The following TEAD1 variants were observed in gnomAD, a reference collection of about 807,000 sequenced individuals.
The protein encoded by TEAD1 is transcriptional enhancer factor TEF-1.
TEAD1 carries 9 observed loss-of-function variants against 54.9 expected under a neutral mutation model. The observed-to-expected ratio is 0.16, with a 90% confidence interval of 0.10 to 0.29. The LOEUF (loss-of-function observed/expected upper bound fraction) is 0.29, where lower values mean the gene tolerates loss of function less well. TEAD1 is among the 10% of genes least tolerant of loss of function. TEAD1 has a pLI of 1.00. For missense variants in TEAD1, 387 were observed against 535.9 expected (o/e 0.72, Z 2.74); for synonymous variants, 200 against 187.8 (o/e 1.07, Z -0.53).
chr11:12,836,785 G>A (rs1342135736), intron 3 of TEAD1, among the ~76,000 whole-genome samples: 1 of 152,148 alleles, frequency 6.6e-6, no homozygotes, highest in Non-Finnish European at 1.5e-5. Flanking sequence ...TGCCTTAGAG[G>A]TTATTTTGGT....
intron 12 of TEAD1, among the ~76,000 whole-genome samples, 188 bp from the exon 13 acceptor site, chr11:12,936,921 C>G (rs1399722464): frequency 6.6e-6 from 1 of 152,008 alleles, no homozygotes; most frequent in East Asian, 1.9e-4. Context: ...TTATGATAAC[C>G]ACGTTTAGAT....
At chr11:12,687,574 T>G (rs1037309738) in intron 2 of TEAD1, among the ~76,000 whole-genome samples, 3 of 152,204 alleles carry the variant, frequency 2.0e-5, no homozygotes, top group Non-Finnish European at 4.4e-5. Flanking sequence ...CCGGTTTTCT[T>G]GTGGCATTTG....
At chr11:12,926,854 C>T (rs1241357195) in intron 11 of TEAD1, among the ~76,000 whole-genome samples, 4 of 152,102 alleles carry the variant, frequency 2.6e-5, no homozygotes, top group Non-Finnish European at 5.9e-5. Context: ...TGAAACATGG[C>T]TGGGACGCCT....
chr11:12,776,320 C>G (rs1157384102), intron 3 of TEAD1, among the ~76,000 whole-genome samples: 1 of 152,132 alleles, frequency 6.6e-6, no homozygotes, highest in Non-Finnish European at 1.5e-5. Flanking sequence ...TGTGCATAGG[C>G]TCACACCGCA....
At chr11:12,927,960 G>A (rs1266515989) in intron 11 of TEAD1, among the ~76,000 whole-genome samples, 2 of 151,978 alleles carry the variant, frequency 1.3e-5, no homozygotes, top group Non-Finnish European at 2.9e-5. Context: ...TTGCCCTTTA[G>A]GATTATATTT....
At chr11:12,905,648 G>T (rs1425840243) in intron 10 of TEAD1, among the ~76,000 whole-genome samples, 1 of 152,162 alleles carries the variant, frequency 6.6e-6, no homozygotes, top group Admixed American at 6.5e-5. Flanking sequence ...TCCGAAGTAG[G>T]TTTAACACTC....
At chr11:12,716,523 ACTTG>A (rs1352402849) in intron 2 of TEAD1, among the ~76,000 whole-genome samples, 1 of 152,148 alleles carries the variant, frequency 6.6e-6, no homozygotes, top group African/African-American at 2.4e-5. Flanking sequence ...GTGTCCTGGC[ACTTG>A]CTTCTTAGTC....
intron 11 of TEAD1, among the ~76,000 whole-genome samples, chr11:12,926,733 A>C (rs1385668815): frequency 1.3e-5 from 2 of 152,172 alleles, no homozygotes; most frequent in Non-Finnish European, 2.9e-5. Flanking sequence ...CCCTAGGATA[A>C]GTAGAGGGAG....
At chr11:12,695,679 G>A (rs1293613937) in intron 2 of TEAD1, among the ~76,000 whole-genome samples, 2 of 152,236 alleles carry the variant, frequency 1.3e-5, no homozygotes, top group South Asian at 4.1e-4. Context: ...GACCCAGACT[G>A]ATGGACTCTT....
At chr11:12,709,494 C>G (rs1236085423) in intron 2 of TEAD1, among the ~76,000 whole-genome samples, 3 of 151,912 alleles carry the variant, frequency 2.0e-5, no homozygotes, top group Non-Finnish European at 4.4e-5. Flanking sequence ...CCTGTCTCAA[C>G]TTCCTGAGTA....
At chr11:12,833,276 G>GA (rs1312036735) in intron 3 of TEAD1, among the ~76,000 whole-genome samples, 1 of 152,104 alleles carries the variant, frequency 6.6e-6, no homozygotes, top group Admixed American at 6.6e-5. Flanking sequence ...TCAATGAGTT[G>GA]AAAAAAGAAG....
intron 3 of TEAD1, among the ~76,000 whole-genome samples, chr11:12,817,717 T>C (rs1182111276): frequency 6.6e-6 from 1 of 152,194 alleles, no homozygotes; most frequent in African/African-American, 2.4e-5. Context: ...CTCCTTGCAA[T>C]GGGACCAAAC....
intron 9 of TEAD1, among the ~76,000 whole-genome samples, chr11:12,892,101 C>T (rs754589732): frequency 1.3e-5 from 2 of 152,188 alleles, no homozygotes; most frequent in African/African-American, 2.4e-5. Context: ...TAACATGATT[C>T]TTTCTCGTAA....
chr11:12,792,218 T>G (rs1945817675), intron 3 of TEAD1, among the ~76,000 whole-genome samples: 1 of 152,142 alleles, frequency 6.6e-6, no homozygotes, highest in Admixed American at 6.5e-5. Flanking sequence ...CAAGCTGTGT[T>G]TGGTAGATAA....
intron 4 of TEAD1, among the ~76,000 whole-genome samples, chr11:12,863,886 G>A (rs968377312): frequency 2.0e-5 from 3 of 152,172 alleles, no homozygotes; most frequent in Non-Finnish European, 4.4e-5. Context: ...TTTTTAGGCA[G>A]CAGTTGGTGA....
chr11:12,921,209 T>G lies in TEAD1; in HGVS notation c.874-3703T>G, dbSNP rs1948798499. The G allele has an allele frequency of 1.3e-5, 2 of 152,148 alleles. 1 individual carries two copies. Among genetic ancestry groups the G allele is most frequent in the South Asian group, 4.1e-4 (2 of 4,822 alleles). The allele number at this position is 152,148 out of a possible 1,614,324, so 9.4% of individuals were successfully genotyped here. ...ATTTTACAGTTTTATTTTTCCCCCG[T>G]CTTTACCACATGCATGTTTTCACTT... On this transcript the variant is annotated intron_variant, in intron 10 of 12. Coordinates refer to ENST00000527636, the MANE Select transcript of TEAD1 (RefSeq NM_021961.6).
Position 12,730,416 on chromosome 11 carries a change from GTTTTTTTTTT to G in TEAD1, c.-54-33746_-54-33737del, listed in dbSNP as rs59731479. ...TGAAACTTTTGATTCCCAGTTGAGTGTTTTTTTTTTTTTTTTTTTTTTTTTTCCTAACGGT... is the reference window on the plus strand; with the variant it reads ...TGAAACTTTTGATTCCCAGTTGAGTGTTTTTTTTTTTTTTTTCCTAACGGT... On this transcript the variant is annotated intron_variant, in intron 2 of 12. Coordinates refer to ENST00000527636, the MANE Select transcript of TEAD1 (RefSeq NM_021961.6). 1.9e-3 allele frequency among the ~76,000 whole-genome samples: 114 copies of G among 60,240 alleles called. 1 individual carries two copies. Among genetic ancestry groups the G allele is most frequent in the Middle Eastern group, 0.019 (1 of 52 alleles). 39.5% of individuals were successfully genotyped at this position (60,240 alleles called of 152,430 possible). A position where few individuals can be genotyped will look rare whatever the true frequency, so the allele number is the denominator to read the frequency against.
intron 9 of TEAD1, among the ~76,000 whole-genome samples, chr11:12,895,487 G>A (rs1413506626): frequency 5.3e-5 from 8 of 152,164 alleles, no homozygotes; most frequent in Non-Finnish European, 1.0e-4. Context: ...TGTCCTGAGC[G>A]TTTGAGCTGT....
chr11:12,819,790 T>C (rs897457682), intron 3 of TEAD1, among the ~76,000 whole-genome samples: 1 of 152,248 alleles, frequency 6.6e-6, no homozygotes, highest in Non-Finnish European at 1.5e-5. Flanking sequence ...CTGTAATACG[T>C]TGGCCAGTTT....
Sources: allele counts gnomAD v4.1 joint callset (sites outside exome capture counted in the v4.1 genomes callset), GRCh38; gene constraint gnomAD v4.1.1; transcripts MANE v1.5; gene names NCBI Gene and HGNC (gene_info 2026-07-23, HGNC 2026-07-21).